The following SOX5 variants were observed in gnomAD, a reference collection of about 807,000 sequenced individuals.
The protein encoded by SOX5 is transcription factor SOX-5.
In SOX5, 9 loss-of-function variants were observed where a neutral mutation model predicts 92.0. That is an observed-to-expected ratio of 0.10 (90% confidence interval 0.06 to 0.17). SOX5 has a LOEUF of 0.17. SOX5 is among the 10% of genes least tolerant of loss of function. The pLI, the probability that SOX5 is intolerant of heterozygous loss-of-function variation, is 1.00. For missense variants in SOX5, 642 were observed against 944.5 expected (o/e 0.68, Z 4.20); for synonymous variants, 344 against 336.3 (o/e 1.02, Z -0.25).
intron 2 of SOX5, among the ~76,000 whole-genome samples, chr12:24,339,309 C>T (rs1034921689): frequency 6.6e-6 from 1 of 151,962 alleles, no homozygotes; most frequent in Non-Finnish European, 1.5e-5. Flanking sequence ...ATGGCAGGGC[C>T]CTTCATCACA....
rs993652226 is a variant in SOX5 at position 24,393,383 on chromosome 12, C to T, written c.-250-24744G>A. Reference sequence around the variant, plus strand: ...CTTGCCATTGGGACACAATTACAGGCCAATCAGGGTCGGAGATAACAGAAT... The same window carrying T: ...CTTGCCATTGGGACACAATTACAGGTCAATCAGGGTCGGAGATAACAGAAT... On this transcript the variant is annotated intron_variant, in intron 1 of 4. Transcript: ENST00000446891. The surrounding 1 kb of genome is among the most constrained non-coding windows in gnomAD (Gnocchi z 5.0). 6.6e-6 allele frequency among the ~76,000 whole-genome samples: 1 copy of T among 152,146 alleles called. No homozygotes were observed. Among genetic ancestry groups the T allele is most frequent in the Non-Finnish European group, 1.5e-5 (1 of 68,030 alleles).
At chr12:23,638,977 A>G (rs2079651698) in intron 8 of SOX5, among the ~76,000 whole-genome samples, 1 of 151,752 alleles carries the variant, frequency 6.6e-6, no homozygotes, top group South Asian at 2.1e-4. Context: ...TTGGATTATT[A>G]ATTTTCTTGT....
At chr12:24,275,594 G>A (rs2140360149) in intron 3 of SOX5, among the ~76,000 whole-genome samples, 1 of 152,116 alleles carries the variant, frequency 6.6e-6, no homozygotes, top group South Asian at 2.1e-4. Context: ...CTCTACTGCT[G>A]AACAGTTAAA....
At chr12:23,549,121 C>T (rs1195184755) in intron 11 of SOX5, among the ~76,000 whole-genome samples, 1 of 151,908 alleles carries the variant, frequency 6.6e-6, no homozygotes, top group African/African-American at 2.4e-5. Flanking sequence ...AGAGCAAATA[C>T]TACTGGAAAA....
intron 4 of SOX5, among the ~76,000 whole-genome samples, chr12:24,172,761 T>C (rs140836027): frequency 2.3e-4 from 35 of 152,122 alleles, no homozygotes; most frequent in African/African-American, 8.2e-4. Flanking sequence ...CATCAGAAAT[T>C]TCAACTCAAA....
Position 24,112,521 on chromosome 12 carries a change from C to CTTTTTTTTTTTT in SOX5, c.-2+100810_-2+100821dup, listed in dbSNP as rs139323766. Among the ~76,000 whole-genome samples the CTTTTTTTTTTTT allele has an allele frequency of 2.6e-5, 2 of 75,666 alleles. 1 individual carries two copies. The highest frequency in any genetic ancestry group is 9.6e-5 in the African/African-American group (2 of 20,768). The allele number at this position is 75,666 out of a possible 152,430, so 49.6% of individuals were successfully genotyped here. A position where few individuals can be genotyped will look rare whatever the true frequency, so the allele number is the denominator to read the frequency against. On this transcript the variant is annotated intron_variant, in intron 4 of 4. Transcript: ENST00000446891. ...GGGATACAGAACAACTTCAAGGTTC[C>CTTTTTTTTTTTT]TTTTTTTTTTTTTTTTTTTTTTTTT...
chr12:23,747,832 T>C (rs1295779625), intron 4 of SOX5, among the ~76,000 whole-genome samples: 1 of 152,002 alleles, frequency 6.6e-6, no homozygotes, highest in Non-Finnish European at 1.5e-5. Context: ...TTTTCTTTAA[T>C]TCATTCAGCA....
intron 2 of SOX5, among the ~76,000 whole-genome samples, chr12:24,280,283 T>C (rs1945006419): frequency 1.3e-5 from 2 of 152,250 alleles, no homozygotes; most frequent in Admixed American, 6.5e-5. Flanking sequence ...AAAACCACTA[T>C]TGTGGAAACT....
intron 1 of SOX5, among the ~76,000 whole-genome samples, chr12:24,471,010 A>C (rs1944766068): frequency 6.6e-6 from 1 of 152,198 alleles, no homozygotes; most frequent in Non-Finnish European, 1.5e-5. Flanking sequence ...CCATTCACAA[A>C]TAAGATAATA....
At chr12:23,998,017 G>C (rs1951200643) in intron 4 of SOX5, among the ~76,000 whole-genome samples, 1 of 152,070 alleles carries the variant, frequency 6.6e-6, no homozygotes, top group Admixed American at 6.6e-5. Context: ...AAATTGTACA[G>C]TTTTCAATGA....
In SOX5 at chr12:24,382,018, G is replaced by A. The variant is rs570899169; in HGVS notation, c.-250-13379C>T. 7.2e-5 allele frequency among the ~76,000 whole-genome samples: 11 copies of A among 152,286 alleles called. 1 individual carries two copies. Among genetic ancestry groups the A allele is most frequent in the African/African-American group, 2.6e-4 (11 of 41,560 alleles). The stretch of plus-strand genomic sequence containing the variant: ...ATGCAACAAGTATTGTTCCATTTGC[G>A]AGGAACTATCCTGGGCTCTAGAGAT... On this transcript the variant is annotated intron_variant, in intron 1 of 4. Transcript: ENST00000446891.
intron 4 of SOX5, among the ~76,000 whole-genome samples, chr12:24,033,685 C>A (rs1174478622): frequency 6.6e-6 from 1 of 151,986 alleles, no homozygotes; most frequent in Non-Finnish European, 1.5e-5. Context: ...TTTATTTAAT[C>A]TCTGTTGAGC....
intron 3 of SOX5, among the ~76,000 whole-genome samples, chr12:24,270,923 A>T (rs1236985272): frequency 6.6e-6 from 1 of 152,250 alleles, no homozygotes; most frequent in Non-Finnish European, 1.5e-5. Flanking sequence ...TGCTGATTAC[A>T]GCTGAGTTAT....
intron 4 of SOX5, among the ~76,000 whole-genome samples, chr12:24,128,717 G>C (rs1949355366): frequency 6.6e-6 from 1 of 152,158 alleles, no homozygotes; most frequent in African/African-American, 2.4e-5. Context: ...TCATGGCAAA[G>C]ACTTTAGGTT....
intron 4 of SOX5, among the ~76,000 whole-genome samples, chr12:24,148,099 A>G (rs139486307): frequency 2.9e-4 from 44 of 152,332 alleles, no homozygotes; most frequent in Non-Finnish European, 5.6e-4. Context: ...TGGAGTAGCC[A>G]TAAAGATTTT....
At chr12:24,299,277 A>C (rs1325016375) in intron 2 of SOX5, among the ~76,000 whole-genome samples, 2 of 152,316 alleles carry the variant, frequency 1.3e-5, no homozygotes, top group East Asian at 3.9e-4. Flanking sequence ...AAAATGTGAG[A>C]GACTATTCAG....
intron 1 of SOX5, among the ~76,000 whole-genome samples, chr12:23,929,815 ATG>A (rs1940993702): frequency 6.6e-6 from 1 of 151,936 alleles, no homozygotes; most frequent in Non-Finnish European, 1.5e-5. Flanking sequence ...CCAACAGAAA[ATG>A]TTATATTTAG....
intron 4 of SOX5, among the ~76,000 whole-genome samples, chr12:24,147,175 A>G (rs1752331737): frequency 6.6e-6 from 1 of 152,212 alleles, no homozygotes; most frequent in Non-Finnish European, 1.5e-5. Context: ...ACATTTTACA[A>G]GAAAAATGCT....
intron 4 of SOX5, among the ~76,000 whole-genome samples, chr12:24,212,816 G>A (rs995057368): frequency 6.6e-6 from 1 of 152,096 alleles, no homozygotes; most frequent in Non-Finnish European, 1.5e-5. Flanking sequence ...TTCATACATG[G>A]TAGTCAATAT....
Sources: allele counts gnomAD v4.1 joint callset (sites outside exome capture counted in the v4.1 genomes callset), GRCh38; gene constraint gnomAD v4.1.1; non-coding constraint Gnocchi (gnomAD v3.1); transcripts MANE v1.5; gene names NCBI Gene and HGNC (gene_info 2026-07-23, HGNC 2026-07-21).